KLRC4: variants seen among roughly 807,000 people sequenced by gnomAD.
KLRC4 encodes killer cell lectin like receptor C4.
In KLRC4, 6 loss-of-function variants were observed where a neutral mutation model predicts 14.3. The ratio of observed to expected loss-of-function variants is 0.42; its 90% CI spans 0.23 to 0.83. The LOEUF (loss-of-function observed/expected upper bound fraction) is 0.83, where lower values mean the gene tolerates loss of function less well. KLRC4 is among the 40% of genes least tolerant of loss of function. KLRC4 has a pLI of 0.29. For missense variants in KLRC4, 158 were observed against 179.4 expected (o/e 0.88, Z 0.68); for synonymous variants, 53 against 60.5 (o/e 0.88, Z 0.57).
chr12:10,407,778 C>T lies in KLRC4; in HGVS notation c.352G>A (p.Gly118Ser), dbSNP rs201205058. 249 of 1,604,210 alleles carry T rather than the reference C, an allele frequency of 1.6e-4. No individual in the cohort carries two copies. Among genetic ancestry groups the T allele is most frequent in the Non-Finnish European group, 1.8e-4 (210 of 1,176,566 alleles). Reference protein sequence around the residue: ...NRRMQKARHCGHCPEEWITYS... With the variant: ...NRRMQKARHCSHCPEEWITYS... ...GTAATCCACTCCTCAGGACAATGGC[C>T]ACAATGACGTGCTAAATAAAAATAT... The change falls in exon 4 of 4, where the codon GGC becomes AGC. Residue 118 changes from glycine (G) to serine (S), a missense_variant. Coordinates refer to ENST00000309384, the MANE Select transcript of KLRC4 (RefSeq NM_013431.2).
rs1027673773 is a variant in KLRC4 at position 10,409,102 on chromosome 12, T to A, written c.188-92A>T. ...GAGAACTCACGTGCACAGGAAAACA[T>A]AATGATAAACTCTGTCCTCTAAATC... On this transcript the variant is annotated intron_variant, in intron 1 of 3. Transcript: ENST00000309384. The A allele has an allele frequency of 7.3e-6, 10 of 1,377,946 alleles. No homozygotes were observed. In the Admixed American group the frequency reaches 1.1e-4, roughly 15 times the overall value. 85.4% of individuals were successfully genotyped at this position (1,377,946 alleles called of 1,614,324 possible). A position where few individuals can be genotyped will look rare whatever the true frequency, so the allele number is the denominator to read the frequency against.
chr12:10,409,299 G>A (rs781114780), intron 1 of KLRC4, 90 bp downstream of exon 1: 66 of 1,318,444 alleles, frequency 5.0e-5, no homozygotes, highest in Non-Finnish European at 6.4e-5. Context: ...ATTCTCACAA[G>A]TGCAAAATAT....
At position 10,407,750 on chromosome 12, in the gene KLRC4, T is replaced by A; in HGVS notation, c.380A>T (p.Tyr127Phe). 6.2e-7 allele frequency: 1 copy of A among 1,613,792 alleles called. No homozygotes were observed. Among genetic ancestry groups the A allele is most frequent in the Non-Finnish European group, 8.5e-7 (1 of 1,179,814 alleles). Residue 127 changes from tyrosine (Y) to phenylalanine (F), a missense_variant, in exon 4 of 4, where the codon TAT becomes TTT. Transcript: ENST00000309384. ...ACCAATGTAATAACAACTGTTGGAA[T>A]ATGTAATCCACTCCTCAGGACAATG... ...CGHCPEEWIT[Y>F]SNSCYYIGKE...
intron 2 of KLRC4, among the ~76,000 whole-genome samples, 188 bp from the exon 3 acceptor site, chr12:10,408,570 C>T (rs1363294578): frequency 6.6e-6 from 1 of 151,814 alleles, no homozygotes; most frequent in African/African-American, 2.4e-5. Context: ...CATAAAACTT[C>T]ACCATCTCTT....
intron 3 of KLRC4, 42 bp from the exon 4 acceptor site, chr12:10,407,831 C>T (rs1863521621): frequency 8.9e-6 from 14 of 1,570,838 alleles, no homozygotes; most frequent in Middle Eastern, 1.8e-4. Context: ...AATATGTTTA[C>T]AAATGAAAAT....
intron 3 of KLRC4, 52 bp downstream of exon 3, chr12:10,408,277 G>T: frequency 9.5e-7 from 1 of 1,048,074 alleles, no homozygotes; most frequent in Non-Finnish European, 1.5e-6. Context: ...CATCCCTTTA[G>T]AGACAAAATA....
Position 10,407,735 on chromosome 12 carries a change from T to G in KLRC4, c.395A>C (p.Tyr132Ser). Residue 132 changes from tyrosine (Y) to serine (S), a missense_variant, in exon 4 of 4, where the codon TAT becomes TCT. Tyr to Ser is a moderately radical substitution (Grantham distance 144). Coordinates refer to ENST00000309384, the MANE Select transcript of KLRC4 (RefSeq NM_013431.2). Reference protein sequence around the residue: ...EEWITYSNSCYYIGKERRTWE... With the variant: ...EEWITYSNSCSYIGKERRTWE... ...AGTTCTTCTTTCCTTACCAATGTAA[T>G]AACAACTGTTGGAATATGTAATCCA... 2 of 1,613,842 alleles carry G rather than the reference T, an allele frequency of 1.2e-6. No individual in the cohort carries two copies. The highest frequency in any genetic ancestry group is 1.7e-6 in the Non-Finnish European group (2 of 1,179,836).
At chr12:10,407,815 CA>C in intron 3 of KLRC4, 26 bp from the exon 4 acceptor site, 1 of 1,594,240 alleles carries the variant, frequency 6.3e-7, no homozygotes, top group Non-Finnish European at 8.5e-7. Flanking sequence ...AATTACTATG[CA>C]AAACAATATG....
rs1337537090 is a variant in KLRC4 at position 10,407,631 on chromosome 12, C to G, written c.*22G>C. The G allele has an allele frequency of 6.2e-7, 1 of 1,608,986 alleles. No homozygotes were observed. The highest frequency in any genetic ancestry group is 1.7e-5 in the Admixed American group (1 of 58,874). ...TAGTAAAGTGTTGAAACATTTACGT[C>G]TTACCATTTCTTCCTCATTATCTAT... On this transcript the variant is annotated 3_prime_UTR_variant, in exon 4 of 4. Coordinates refer to ENST00000309384, the MANE Select transcript of KLRC4 (RefSeq NM_013431.2).
chr12:10,407,757 T>A lies in KLRC4; in HGVS notation c.373A>T (p.Ile125Phe). The change falls in exon 4 of 4, where the codon ATT becomes TTT. Residue 125 changes from isoleucine (I) to phenylalanine (F), a missense_variant. Coordinates refer to ENST00000309384, the MANE Select transcript of KLRC4 (RefSeq NM_013431.2). ...TAATAACAACTGTTGGAATATGTAA[T>A]CCACTCCTCAGGACAATGGCCACAA... ...RHCGHCPEEW[I>F]TYSNSCYYIG... 1 of 1,613,704 alleles carries A rather than the reference T, an allele frequency of 6.2e-7. No individual in the cohort carries two copies. Among genetic ancestry groups the A allele is most frequent in the East Asian group, 2.2e-5 (1 of 44,848 alleles).
In KLRC4 at chr12:10,407,433, G is replaced by T. The variant is rs1863514475; in HGVS notation, c.*220C>A. 3 of 477,028 alleles carry T rather than the reference G, an allele frequency of 6.3e-6. No individual in the cohort carries two copies. The highest frequency in any genetic ancestry group is 3.6e-6 in the Non-Finnish European group (1 of 278,584). 29.5% of individuals were successfully genotyped at this position (477,028 alleles called of 1,614,324 possible). A position where few individuals can be genotyped will look rare whatever the true frequency, so the allele number is the denominator to read the frequency against. On this transcript the variant is annotated 3_prime_UTR_variant, in exon 4 of 4. Transcript: ENST00000309384. ...TGATAAAAACATTTATAGAAGCATG[G>T]GTTTCCATGAAAAGCAAAACTGGAA...
intron 1 of KLRC4, 25 bp downstream of exon 1, chr12:10,409,364 A>G (rs993432789): frequency 1.3e-5 from 20 of 1,586,522 alleles, no homozygotes; most frequent in Non-Finnish European, 1.7e-5. Flanking sequence ...GAACAATAAT[A>G]TTGAAGATCT....
At chr12:10,408,208 T>C (rs1565500154) in intron 3 of KLRC4, 121 bp downstream of exon 3, 1 of 645,754 alleles carries the variant, frequency 1.5e-6, no homozygotes. Context: ...CTTTATTTTA[T>C]AAACATTTAT....
chr12:10,409,562 CT>C lies in KLRC4; in HGVS notation c.13del (p.Arg5GlufsTer7). 6.2e-7 allele frequency: 1 copy of C among 1,612,658 alleles called. No homozygotes were observed. The highest frequency in any genetic ancestry group is 8.5e-7 in the Non-Finnish European group (1 of 1,179,564). On this transcript the variant is annotated frameshift_variant, in exon 1 of 4. Transcript: ENST00000309384. LOFTEE classifies it high-confidence loss of function. The stretch of plus-strand genomic sequence containing the variant: ...CAGACTCACTTCTGAGTAGGTTCCT[CT>C]TTGTTTATTCATCTCTGCAGCTGTG... Reference protein sequence around the residue: MNKQRGTYSEVSLAQ... With the variant: MNKQXGTYSEVSLAQ...
Position 10,409,693 on chromosome 12 carries a change from G to A in KLRC4, c.-118C>T. Reference sequence around the variant, plus strand: ...AGGCAAACTGCATGTGTTGGAGGCTGAGTAGTAATGTTCATTTTGCTGTTG... The same window carrying A: ...AGGCAAACTGCATGTGTTGGAGGCTAAGTAGTAATGTTCATTTTGCTGTTG... On this transcript the variant is annotated 5_prime_UTR_variant, in exon 1 of 4. The change creates a premature stop within an existing upstream ORF in the 5' untranslated region. Transcript: ENST00000309384. 5 of 1,351,156 alleles carry A rather than the reference G, an allele frequency of 3.7e-6. No individual in the cohort carries two copies. Among genetic ancestry groups the A allele is most frequent in the Non-Finnish European group, 4.9e-6 (5 of 1,014,428 alleles). 83.7% of individuals were successfully genotyped at this position (1,351,156 alleles called of 1,614,324 possible). A position where few individuals can be genotyped will look rare whatever the true frequency, so the allele number is the denominator to read the frequency against.
chr12:10,407,753 G>A lies in KLRC4; in HGVS notation c.377C>T (p.Thr126Ile), dbSNP rs772823809. ...AATGTAATAACAACTGTTGGAATAT[G>A]TAATCCACTCCTCAGGACAATGGCC... is the stretch of plus-strand genomic sequence containing the variant. ...HCGHCPEEWI[T>I]YSNSCYYIGK... The change falls in exon 4 of 4, where the codon ACA (threonine) becomes ATA (isoleucine). Residue 126 changes from threonine (T) to isoleucine (I), a missense_variant. Thr to Ile is a moderately conservative substitution (Grantham distance 89). Coordinates refer to ENST00000309384, the MANE Select transcript of KLRC4 (RefSeq NM_013431.2). The A allele has an allele frequency of 3.7e-6, 6 of 1,613,674 alleles. No individual in the cohort carries two copies. Among genetic ancestry groups the A allele is most frequent in the East Asian group, 2.2e-5 (1 of 44,850 alleles).
chr12:10,408,187 C>A, intron 3 of KLRC4, 142 bp downstream of exon 3: 1 of 577,466 alleles, frequency 1.7e-6, no homozygotes, highest in Non-Finnish European at 3.0e-6. Flanking sequence ...AAGGACATGC[C>A]CTCATATAAT....
At chr12:10,408,188 C>A (rs1034623682) in intron 3 of KLRC4, 141 bp downstream of exon 3, 2 of 584,664 alleles carry the variant, frequency 3.4e-6, no homozygotes, top group Admixed American at 3.4e-5. Context: ...AGGACATGCC[C>A]TCATATAATC....
intron 1 of KLRC4, 131 bp from the exon 2 acceptor site, chr12:10,409,141 G>C: frequency 9.7e-7 from 1 of 1,034,896 alleles, no homozygotes; most frequent in Non-Finnish European, 1.4e-6. Flanking sequence ...ATCTACTCTA[G>C]TAATCTTTCT....
Sources: gnomAD v4.1 joint callset for allele counts (sites outside exome capture counted in the v4.1 genomes callset) on GRCh38, gnomAD v4.1.1 for gene constraint, MANE v1.5 for transcripts, NCBI Gene and HGNC (gene_info 2026-07-23, HGNC 2026-07-21) for gene names.